The following PATJ variants were observed in gnomAD, a reference collection of about 807,000 sequenced individuals.
PATJ encodes inaD-like protein.
PATJ carries 190 observed loss-of-function variants against 224.9 expected under a neutral mutation model. That is an observed-to-expected ratio of 0.84 (90% confidence interval 0.75 to 0.95). PATJ has a LOEUF of 0.95. PATJ is among the 40% of genes least tolerant of loss of function. The probability of loss-of-function intolerance (pLI) is 0.00; values close to 1 mark genes in which losing one functional copy is unlikely to be tolerated. For missense variants in PATJ, 2,121 were observed against 2,270.3 expected, an observed-to-expected ratio of 0.93 and a Z score of 1.34; for synonymous variants, 769 against 820.3, an observed-to-expected ratio of 0.94 and a Z score of 1.07.
At chr1:62,120,905 A>C in intron 37 of PATJ, 2 of 351,546 alleles carry the variant, frequency 5.7e-6, no homozygotes, top group East Asian at 4.5e-5. Context: ...TGGAGCAAGA[A>C]CAGCTGAAAT....
chr1:62,021,787 T>G (rs1198996982), intron 29 of PATJ, among the ~76,000 whole-genome samples: 3 of 152,198 alleles, frequency 2.0e-5, no homozygotes, highest in Non-Finnish European at 4.4e-5. Flanking sequence ...CTGAAGAAGT[T>G]AAAATTCGAT....
chr1:61,879,577 A>G (rs1401563060), intron 21 of PATJ, among the ~76,000 whole-genome samples: 1 of 150,334 alleles, frequency 6.7e-6, no homozygotes, highest in Non-Finnish European at 1.5e-5. Context: ...AAGAAAAAAT[A>G]AGGCTCACAG....
intron 28 of PATJ, among the ~76,000 whole-genome samples, chr1:62,017,105 A>G (rs1010117136): frequency 1.3e-5 from 2 of 152,216 alleles, no homozygotes; most frequent in African/African-American, 4.8e-5. Flanking sequence ...TCTCTACTAC[A>G]AAGAATATTA....
intron 15 of PATJ, among the ~76,000 whole-genome samples, chr1:61,825,751 A>ATAAATAATGAGATAG: frequency 6.6e-6 from 1 of 152,312 alleles, no homozygotes; most frequent in East Asian, 1.9e-4. Flanking sequence ...TAATGAGATA[A>ATAAATAATGAGATAG]ATAAATATTT....
chr1:61,772,663 G>A (rs903141240), intron 6 of PATJ, among the ~76,000 whole-genome samples: 3 of 152,156 alleles, frequency 2.0e-5, no homozygotes, highest in African/African-American at 4.8e-5. Context: ...TATTTATACA[G>A]CAGAATTTAC....
At chr1:61,782,288 A>T (rs1169507188) in intron 7 of PATJ, among the ~76,000 whole-genome samples, 1 of 152,188 alleles carries the variant, frequency 6.6e-6, no homozygotes, top group African/African-American at 2.4e-5. Flanking sequence ...CTGTGTGAAA[A>T]TTCAATGTTA....
rs796477789 is a variant in PATJ, at chr1:61,973,274, A to G, written c.3671-16894A>G. Among the ~76,000 whole-genome samples, 38 of 152,130 alleles carry G rather than the reference A, an allele frequency of 2.5e-4. 1 individual carries two copies. Among genetic ancestry groups the G allele is most frequent in the African/African-American group, 8.2e-4 (34 of 41,394 alleles). ...GCAATAAATGACTAAAGATGACACAACAAAATACCGTCCAATCTCAGCTGG... is the reference window on the plus strand; with the variant it reads ...GCAATAAATGACTAAAGATGACACAGCAAAATACCGTCCAATCTCAGCTGG... On this transcript the variant is annotated intron_variant, in intron 27 of 43. Transcript: ENST00000642238.
chr1:61,994,659 A>G (rs894331436), intron 28 of PATJ, among the ~76,000 whole-genome samples: 1 of 152,054 alleles, frequency 6.6e-6, no homozygotes, highest in Non-Finnish European at 1.5e-5. Context: ...GGTTCAAGCA[A>G]TTCTCCTGCC....
chr1:61,833,843 T>G (rs1454242712), intron 17 of PATJ, 58 bp downstream of exon 17: 10 of 1,509,710 alleles, frequency 6.6e-6, no homozygotes, highest in Non-Finnish European at 9.0e-6. Flanking sequence ...ATTAAAGTTA[T>G]GGGAAGTAGC....
At chr1:61,978,993 G>C (rs969174886) in intron 27 of PATJ, among the ~76,000 whole-genome samples, 1 of 152,002 alleles carries the variant, frequency 6.6e-6, no homozygotes, top group African/African-American at 2.4e-5. Context: ...TCTTGAACAA[G>C]AAAAAGGCAT....
rs1477327443 is a variant in PATJ, at chr1:62,018,047, G to T, written c.3959+100G>T. ...CTTTGATTTGTCTAGCGAAATCACT[G>T]TTCCTTCTAAAAACATATATTCCTT... On this transcript the variant is annotated intron_variant, in intron 29 of 43. Coordinates refer to ENST00000642238, the MANE Select transcript of PATJ (RefSeq NM_001350145.3). This position sits in a 1 kb window ranked among gnomAD's most constrained non-coding sequence, Gnocchi z 4.2. The T allele has an allele frequency of 1.2e-5, 8 of 655,228 alleles. No homozygotes were observed. In the African/African-American group the frequency reaches 1.4e-4, roughly 12 times the overall value. The allele number at this position is 655,228 out of a possible 1,614,324, so 40.6% of individuals were successfully genotyped here.
At chr1:61,802,985 G>A (rs1169582918) in intron 12 of PATJ, among the ~76,000 whole-genome samples, 1 of 151,972 alleles carries the variant, frequency 6.6e-6, no homozygotes, top group Non-Finnish European at 1.5e-5. Flanking sequence ...CCTATGATTT[G>A]GAAATTTACC....
chr1:61,774,777 A>G (rs1452699515), intron 6 of PATJ, among the ~76,000 whole-genome samples: 2 of 151,974 alleles, frequency 1.3e-5, no homozygotes, highest in Non-Finnish European at 2.9e-5. Flanking sequence ...GTAATTCTTC[A>G]TTGGTTTTGA....
intron 9 of PATJ, among the ~76,000 whole-genome samples, chr1:61,792,090 T>A (rs183226624): frequency 4.0e-4 from 60 of 151,176 alleles, no homozygotes; most frequent in Non-Finnish European, 6.0e-4. Context: ...AAATGTTCAA[T>A]TTTTTTTAAG....
chr1:62,145,494 G>A (rs959939096), intron 41 of PATJ, among the ~76,000 whole-genome samples: 10 of 151,900 alleles, frequency 6.6e-5, no homozygotes, highest in South Asian at 4.2e-4. Context: ...AGACACTGTC[G>A]CTACAAAAAA....
chr1:61,990,790 T>C (rs1327228680), intron 28 of PATJ, among the ~76,000 whole-genome samples: 3 of 152,142 alleles, frequency 2.0e-5, no homozygotes, highest in Non-Finnish European at 2.9e-5. Context: ...CAAGAGCCTG[T>C]GAACTTCTCA....
intron 34 of PATJ, among the ~76,000 whole-genome samples, chr1:62,108,937 A>G (rs1391861577): frequency 6.6e-6 from 1 of 152,220 alleles, no homozygotes; most frequent in African/African-American, 2.4e-5. Context: ...CTTAATCTTA[A>G]TAAATCTTTA....
At chr1:61,774,874 T>C (rs911405078) in intron 6 of PATJ, among the ~76,000 whole-genome samples, 1 of 152,208 alleles carries the variant, frequency 6.6e-6, no homozygotes, top group East Asian at 1.9e-4. Flanking sequence ...GTCCCTACTA[T>C]GTGCTGGGCC....
chr1:61,850,885 C>T (rs1052472021), intron 17 of PATJ, among the ~76,000 whole-genome samples: 1 of 152,202 alleles, frequency 6.6e-6, no homozygotes, highest in African/African-American at 2.4e-5. Flanking sequence ...ATGGCAAGAG[C>T]TTAGTAAGTG....
Sources: allele counts gnomAD v4.1 joint callset (sites outside exome capture counted in the v4.1 genomes callset), GRCh38; gene constraint gnomAD v4.1.1; non-coding constraint Gnocchi (gnomAD v3.1); transcripts MANE v1.5; gene names NCBI Gene and HGNC (gene_info 2026-07-23, HGNC 2026-07-21).